RPS6KL1: variants seen among roughly 807,000 people sequenced by gnomAD.
RPS6KL1 encodes the protein ribosomal protein S6 kinase like 1.
In RPS6KL1, 41 loss-of-function variants were observed where a neutral mutation model predicts 57.0. The ratio of observed to expected loss-of-function variants is 0.72; its 90% CI spans 0.56 to 0.93. The LOEUF (loss-of-function observed/expected upper bound fraction) is 0.93, where lower values mean the gene tolerates loss of function less well. RPS6KL1 is among the 40% of genes least tolerant of loss of function. The probability of loss-of-function intolerance (pLI) is 0.00; values close to 1 mark genes in which losing one functional copy is unlikely to be tolerated. For synonymous variants in RPS6KL1, 287 were observed against 309.7 expected (o/e 0.93, Z 0.77); for missense variants, 697 against 727.7 (o/e 0.96, Z 0.49).
At chr14:74,910,330 T>C in intron 7 of RPS6KL1, 182 bp from the exon 8 acceptor site, 1 of 556,454 alleles carries the variant, frequency 1.8e-6, no homozygotes, top group Non-Finnish European at 2.9e-6. Flanking sequence ...GAATGCCCTC[T>C]GCCCTCCTCT....
At chr14:74,918,648 GCCCTCCTT>G in intron 4 of RPS6KL1, 43 bp from the exon 5 acceptor site, 1 of 1,443,542 alleles carries the variant, frequency 6.9e-7, no homozygotes, top group Non-Finnish European at 9.4e-7. Context: ...TCAGGGCCGA[GCCCTCCTT>G]GGCCATGGCC....
chr14:74,919,830 G>GC lies in RPS6KL1; in HGVS notation c.390+14_390+15insG. 1 of 1,610,754 alleles carries GC rather than the reference G, an allele frequency of 6.2e-7. No homozygotes were observed. The highest frequency in any genetic ancestry group is 2.2e-5 in the East Asian group (1 of 44,868). On this transcript the variant is annotated intron_variant, in intron 4 of 11. Transcript: ENST00000557413. ...TCCTCCCGCTCAGGCCTTTGGGTGG[G>GC]GGGGGTCTCCTCACCGCGCTGGGGC...
intron 5 of RPS6KL1, among the ~76,000 whole-genome samples, chr14:74,913,680 A>G (rs1313441801): frequency 6.6e-6 from 1 of 152,220 alleles, no homozygotes; most frequent in Non-Finnish European, 1.5e-5. Context: ...GCTCTTTTTA[A>G]GTACAAAACG....
rs773637834 is a variant in RPS6KL1 at position 74,907,366 on chromosome 14, A to AG, written c.1539+68dup. Reference sequence around the variant, plus strand: ...CACGAAGCACACGTGGTTCAGACACAGTTCTGTGCCCCTCCCAGCACCTTC... The same window carrying AG: ...CACGAAGCACACGTGGTTCAGACACAGGTTCTGTGCCCCTCCCAGCACCTTC... On this transcript the variant is annotated intron_variant, in intron 11 of 11. Transcript: ENST00000557413. 1.8e-5 allele frequency: 28 copies of AG among 1,523,920 alleles called. No individual in the cohort carries two copies. The Middle Eastern group carries it at 6.2e-4, about 34-fold the overall frequency. 94.4% of individuals were successfully genotyped at this position (1,523,920 alleles called of 1,614,324 possible).
intron 5 of RPS6KL1, among the ~76,000 whole-genome samples, chr14:74,915,283 C>T (rs758961201): frequency 6.6e-6 from 1 of 152,162 alleles, no homozygotes; most frequent in Non-Finnish European, 1.5e-5. Flanking sequence ...TTCGTTCCCC[C>T]ATGGTGACTG....
intron 8 of RPS6KL1, 128 bp from the exon 9 acceptor site, chr14:74,909,318 G>A (rs1885482166): frequency 1.9e-6 from 2 of 1,047,822 alleles, no homozygotes; most frequent in African/African-American, 3.1e-5. Flanking sequence ...AAACTCGGCA[G>A]GGGCACAGCA....
chr14:74,908,357 A>G (rs952889178), intron 10 of RPS6KL1, among the ~76,000 whole-genome samples: 2 of 152,120 alleles, frequency 1.3e-5, no homozygotes, highest in African/African-American at 4.8e-5. Context: ...CAACCTGCAA[A>G]CACAGGTTCC....
chr14:74,910,870 CTT>C (rs5809683), intron 7 of RPS6KL1: 686 of 155,130 alleles, frequency 4.4e-3, no homozygotes, highest in South Asian at 0.011. Flanking sequence ...CAGGGCTCAG[CTT>C]TTTTTTTTTT....
intron 2 of RPS6KL1, 93 bp from the exon 3 acceptor site, chr14:74,921,654 T>C: frequency 1.3e-6 from 2 of 1,482,420 alleles, no homozygotes; most frequent in Non-Finnish European, 1.8e-6. Flanking sequence ...GGGAGACTCA[T>C]ATTCACCTCC....
In RPS6KL1 at chr14:74,906,549, C is replaced by T. The variant is rs999632137; in HGVS notation, c.*465G>A. The T allele has an allele frequency of 1.9e-6, 1 of 524,998 alleles. No individual in the cohort carries two copies. Among genetic ancestry groups the T allele is most frequent in the Non-Finnish European group, 3.9e-6 (1 of 256,016 alleles). The allele number at this position is 524,998 out of a possible 1,614,324, so 32.5% of individuals were successfully genotyped here. ...CCTACTCGCTGTGTGACTAAGAGGA[C>T]TAGCCAGGACAGTCTGGTTTGGGTC... On this transcript the variant is annotated 3_prime_UTR_variant, in exon 12 of 12. Transcript: ENST00000557413.
At chr14:74,916,162 C>G (rs1304443049) in intron 5 of RPS6KL1, among the ~76,000 whole-genome samples, 1 of 152,222 alleles carries the variant, frequency 6.6e-6, no homozygotes, top group African/African-American at 2.4e-5. Flanking sequence ...TGCCCACTTG[C>G]CCAGATCTGT....
chr14:74,919,759 G>T, intron 4 of RPS6KL1, 86 bp downstream of exon 4: 1 of 1,465,716 alleles, frequency 6.8e-7, no homozygotes, highest in Non-Finnish European at 9.3e-7. Flanking sequence ...GCAGCCCAGG[G>T]CGGGCCTGTG....
chr14:74,918,312 T>TGCGTGTTA (rs1566831797), intron 5 of RPS6KL1, among the ~76,000 whole-genome samples: 1 of 152,074 alleles, frequency 6.6e-6, no homozygotes. Context: ...ACCAAAGTCA[T>TGCGTGTTA]GCGTGTTAGG....
At chr14:74,913,280 G>C (rs1886320964) in intron 5 of RPS6KL1, among the ~76,000 whole-genome samples, 2 of 152,106 alleles carry the variant, frequency 1.3e-5, no homozygotes. Context: ...GTGAGGGCCA[G>C]GTGTGGTGGC....
chr14:74,912,910 G>C (rs1886265891), intron 5 of RPS6KL1, among the ~76,000 whole-genome samples: 1 of 152,228 alleles, frequency 6.6e-6, no homozygotes, highest in South Asian at 2.1e-4. Flanking sequence ...GCAGGGGCGG[G>C]CCCCAGCATA....
chr14:74,911,264 G>A lies in RPS6KL1; in HGVS notation c.648C>T (p.His216=), dbSNP rs1294248357. The stretch of plus-strand genomic sequence containing the variant: ...CCTGCTCACCTTGCACATGCTCCAG[G>A]TGCAGGAAGATGGAGTCCTCGCTCA... ...YFVSEDSIFL[H]LEHVQGGTLW... Residue 216 remains histidine, a synonymous_variant, in exon 7 of 12, where the codon CAC becomes CAT. Transcript: ENST00000557413. The A allele has an allele frequency of 1.2e-6, 2 of 1,612,434 alleles. No individual in the cohort carries two copies. Among genetic ancestry groups the A allele is most frequent in the East Asian group, 4.5e-5 (2 of 44,886 alleles).
rs1884847549 is a variant in RPS6KL1 at position 74,906,412 on chromosome 14, GGGGGT to G, written c.*597_*601del. 82 of 340,942 alleles carry G rather than the reference GGGGGT, an allele frequency of 2.4e-4. 1 individual carries two copies. Among genetic ancestry groups the G allele is most frequent in the African/African-American group, 4.9e-4 (21 of 43,028 alleles). The allele number at this position is 340,942 out of a possible 1,614,324, so 21.1% of individuals were successfully genotyped here. ...GGGCATGGTCAGGAATCGGGGGTGG[GGGGGT>G]GGGGGTGGGGGTCATCCTGTCCCCT... On this transcript the variant is annotated 3_prime_UTR_variant, in exon 12 of 12. Coordinates refer to ENST00000557413, the MANE Select transcript of RPS6KL1 (RefSeq NM_031464.5).
Position 74,907,435 on chromosome 14 carries a change from CTCAG to C in RPS6KL1, c.1535_1538del (p.Thr512SerfsTer114). 1 of 1,573,716 alleles carries C rather than the reference CTCAG, an allele frequency of 6.4e-7. No homozygotes were observed. Reference sequence around the variant, plus strand: ...TTCCTCTGGCCGGGCTACACCTCACCTCAGTCAGCAGAGAGGCCGCTGGGCGACT... The same window carrying C: ...TTCCTCTGGCCGGGCTACACCTCACCTCAGCAGAGAGGCCGCTGGGCGACT... On this transcript the variant is annotated frameshift_variant and splice_region_variant, in exon 11 of 12. Transcript: ENST00000557413. LOFTEE classifies it high-confidence loss of function.
chr14:74,918,730 T>C (rs1887281932), intron 4 of RPS6KL1, 125 bp from the exon 5 acceptor site: 2 of 670,950 alleles, frequency 3.0e-6, no homozygotes, highest in East Asian at 3.0e-5. Context: ...GGCAGGGGTA[T>C]AGGCAGGCCC....
Sources: gnomAD v4.1 joint callset for allele counts (sites outside exome capture counted in the v4.1 genomes callset) on GRCh38, gnomAD v4.1.1 for gene constraint, MANE v1.5 for transcripts, NCBI Gene and HGNC (gene_info 2026-07-23, HGNC 2026-07-21) for gene names.